The following PRLR variants were observed in gnomAD, a reference collection of about 807,000 sequenced individuals.
PRLR encodes the protein hPRL receptor.
A neutral mutation model predicts 40.2 loss-of-function variants in PRLR; 13 were observed. That is an observed-to-expected ratio of 0.32 (90% CI 0.21 to 0.51). PRLR has a LOEUF of 0.51. PRLR is among the 20% of genes least tolerant of loss of function. PRLR has a pLI of 0.97. For missense variants in PRLR, 656 were observed against 747.3 expected (o/e 0.88, Z 1.42); for synonymous variants, 269 against 278.7 (o/e 0.97, Z 0.35).
chr5:35,193,098 C>G (rs1775649410), intron 1 of PRLR, among the ~76,000 whole-genome samples: 1 of 152,140 alleles, frequency 6.6e-6, no homozygotes, highest in South Asian at 2.1e-4. Flanking sequence ...TTCAGAGATG[C>G]CATTTAGGAG....
intron 1 of PRLR, among the ~76,000 whole-genome samples, chr5:35,145,589 A>G (rs909236946): frequency 2.6e-5 from 4 of 152,128 alleles, no homozygotes; most frequent in Non-Finnish European, 5.9e-5. Flanking sequence ...TTGCCCTACT[A>G]TGTACACACC....
intron 1 of PRLR, among the ~76,000 whole-genome samples, chr5:35,145,664 G>A (rs761640448): frequency 1.3e-5 from 2 of 152,134 alleles, no homozygotes; most frequent in Non-Finnish European, 2.9e-5. Flanking sequence ...ATTAACACAG[G>A]GGTCTTAATT....
intron 1 of PRLR, among the ~76,000 whole-genome samples, chr5:35,160,293 A>G (rs180891565): frequency 7.3e-4 from 111 of 152,318 alleles, no homozygotes; most frequent in African/African-American, 2.4e-3. Context: ...ATTCCTTTCT[A>G]TGGCTGCCTT....
chr5:35,050,191 G>A (rs907237493), intron 8 of PRLR, among the ~76,000 whole-genome samples: 2 of 152,094 alleles, frequency 1.3e-5, no homozygotes, highest in African/African-American at 2.4e-5. Context: ...GAGCCACTGC[G>A]CCCGGCCGGA....
rs979188961 is a variant in PRLR, at chr5:35,059,251, G to A, written c.*5838C>T. ...TAATTAATAGTCTAAGATGATCTGA[G>A]AGTTAATTAATAGACTAAGATTATC... On this transcript the variant is annotated 3_prime_UTR_variant, in exon 10 of 10. Transcript: ENST00000618457. 3 of 152,160 alleles carry A rather than the reference G, an allele frequency of 2.0e-5. No homozygotes were observed. The highest frequency in any genetic ancestry group is 7.2e-5 in the African/African-American group (3 of 41,514). The allele number at this position is 152,160 out of a possible 1,614,324, so 9.4% of individuals were successfully genotyped here.
At chr5:35,100,299 C>A (rs1395641016) in intron 2 of PRLR, among the ~76,000 whole-genome samples, 1 of 151,596 alleles carries the variant, frequency 6.6e-6, no homozygotes, top group African/African-American at 2.4e-5. Context: ...TTTGGTGTAG[C>A]TTAAGTGTAC....
chr5:35,103,035 A>G (rs1016665191), intron 2 of PRLR, among the ~76,000 whole-genome samples: 2 of 152,198 alleles, frequency 1.3e-5, no homozygotes, highest in African/African-American at 4.8e-5. Context: ...GTTTCAAATA[A>G]GAATAACTAG....
intron 1 of PRLR, among the ~76,000 whole-genome samples, chr5:35,169,743 G>T (rs1416526833): frequency 6.6e-6 from 1 of 152,150 alleles, no homozygotes. Context: ...TAGACTTTTT[G>T]AATTATACGA....
chr5:35,083,681 G>A lies in PRLR; in HGVS notation c.373+789C>T, dbSNP rs543548296. Among the ~76,000 whole-genome samples, 24 of 151,518 alleles carry A rather than the reference G, an allele frequency of 1.6e-4. 1 individual carries two copies. In the South Asian group the frequency reaches 1.7e-3, roughly 11 times the overall value. On this transcript the variant is annotated intron_variant, in intron 5 of 9. Transcript: ENST00000618457. The stretch of plus-strand genomic sequence containing the variant: ...ATTACAGGCACGCACCACCACAGCC[G>A]GCTAATTTTTGTATTTTTAGTAGAG...
downstream of PRLR, among the ~76,000 whole-genome samples, chr5:35,053,107 T>G (rs574806014): frequency 6.6e-6 from 1 of 152,178 alleles, no homozygotes; most frequent in African/African-American, 2.4e-5. Flanking sequence ...AATAGTGAAC[T>G]TTTCATAGCA....
rs1579743734 is a variant in PRLR, at chr5:35,157,378, G to A, written c.-105-39256C>T. 3.3e-5 allele frequency among the ~76,000 whole-genome samples: 5 copies of A among 152,270 alleles called. No individual in the cohort carries two copies. The South Asian group carries it at 1.0e-3, about 32-fold the overall frequency. ...GGAGTGGACATCAGGATACTTCAAGGGGGCTGAGGTATAGATGCTACTGTA... is the reference window on the plus strand; with the variant it reads ...GGAGTGGACATCAGGATACTTCAAGAGGGCTGAGGTATAGATGCTACTGTA... On this transcript the variant is annotated intron_variant, in intron 1 of 9. Coordinates refer to ENST00000618457, the MANE Select transcript of PRLR (RefSeq NM_000949.7).
At chr5:35,203,626 A>G (rs1188104712) in intron 1 of PRLR, among the ~76,000 whole-genome samples, 2 of 152,170 alleles carry the variant, frequency 1.3e-5, no homozygotes, top group African/African-American at 4.8e-5. Context: ...TGGAGGTGTT[A>G]ATACAGATCT....
At chr5:35,228,229 A>T (rs1579824007) in intron 1 of PRLR, among the ~76,000 whole-genome samples, 1 of 78,818 alleles carries the variant, frequency 1.3e-5, no homozygotes, top group African/African-American at 5.3e-5. Context: ...CCCAACAACC[A>T]TGCAAAAAAA....
rs111579033 is a variant in PRLR, at chr5:35,130,980, A to C, written c.-105-12858T>G. ...GAGGCAAGGGAGGACTCCACCCAGC[A>C]TCTCAGAGGGAGCATGGCCCTGCTG... On this transcript the variant is annotated intron_variant, in intron 1 of 9. Coordinates refer to ENST00000618457, the MANE Select transcript of PRLR (RefSeq NM_000949.7). Among the ~76,000 whole-genome samples the C allele has an allele frequency of 3.8e-3, 581 of 152,324 alleles. 4 individuals are homozygous for C. Among genetic ancestry groups the C allele is most frequent in the African/African-American group, 0.013 (560 of 41,574 alleles).
intron 1 of PRLR, among the ~76,000 whole-genome samples, chr5:35,225,828 C>T (rs1161904963): frequency 6.6e-6 from 1 of 152,108 alleles, no homozygotes; most frequent in South Asian, 2.1e-4. Flanking sequence ...ATTACAGGCA[C>T]CCACCACCAT....
At chr5:35,111,649 G>T (rs1772666158) in intron 2 of PRLR, among the ~76,000 whole-genome samples, 1 of 152,050 alleles carries the variant, frequency 6.6e-6, no homozygotes. Flanking sequence ...AACCATAAGG[G>T]ATTGTTTACC....
At chr5:35,207,607 T>A (rs1459093234) in intron 1 of PRLR, among the ~76,000 whole-genome samples, 1 of 143,518 alleles carries the variant, frequency 7.0e-6, no homozygotes, top group Non-Finnish European at 1.5e-5. Flanking sequence ...AAATTACCAA[T>A]GGGAGATTGT....
At chr5:35,173,908 G>A (rs1403641121) in intron 1 of PRLR, among the ~76,000 whole-genome samples, 1 of 151,830 alleles carries the variant, frequency 6.6e-6, no homozygotes, top group African/African-American at 2.4e-5. Flanking sequence ...ATGTATGAAT[G>A]TGCCATGTTG....
At chr5:35,172,187 T>C (rs1366016014) in intron 1 of PRLR, among the ~76,000 whole-genome samples, 1 of 152,220 alleles carries the variant, frequency 6.6e-6, no homozygotes, top group Non-Finnish European at 1.5e-5. Context: ...ATTCAGTCTG[T>C]ACTACAGTGA....
Sources: allele counts gnomAD v4.1 joint callset (sites outside exome capture counted in the v4.1 genomes callset), GRCh38; gene constraint gnomAD v4.1.1; transcripts MANE v1.5; gene names NCBI Gene and HGNC (gene_info 2026-07-23, HGNC 2026-07-21).